Variants in CIAO3 observed in about 807,000 individuals in gnomAD.
The protein encoded by CIAO3 is LET1 like/JFP15.
A neutral mutation model predicts 51.5 loss-of-function variants in CIAO3; 45 were observed. The ratio of observed to expected loss-of-function variants is 0.87; its 90% CI spans 0.69 to 1.12. CIAO3 has a LOEUF of 1.12. Ranked by LOEUF, CIAO3 falls within the 50% of genes most tolerant of loss-of-function variation. The pLI, the probability that CIAO3 is intolerant of heterozygous loss-of-function variation, is 0.00. For synonymous variants in CIAO3, 314 were observed against 269.3 expected, an observed-to-expected ratio of 1.17 and a Z score of -1.63; for missense variants, 668 against 632.5, an observed-to-expected ratio of 1.06 and a Z score of -0.60.
intron 8 of CIAO3, 55 bp downstream of exon 8, chr16:732,246 C>G: frequency 6.5e-7 from 1 of 1,538,978 alleles, no homozygotes; most frequent in Non-Finnish European, 8.8e-7. Flanking sequence ...GGATGCTATC[C>G]TCAGAGGCAG....
At chr16:734,927 C>T in intron 4 of CIAO3, 56 bp from the exon 5 acceptor site, 3 of 1,489,332 alleles carry the variant, frequency 2.0e-6, no homozygotes, top group Non-Finnish European at 2.7e-6. Context: ...CACACGAGCA[C>T]ACGCCGGCGT....
chr16:729,864 A>T lies in CIAO3; in HGVS notation c.*553T>A. On this transcript the variant is annotated 3_prime_UTR_variant, in exon 11 of 11. Transcript: ENST00000251588. ...CAGCCCGCGATGGCTGCTGCTTCGTACTTGGCTTGCCCCGGACCACAGCCT... is the reference window on the plus strand; with the variant it reads ...CAGCCCGCGATGGCTGCTGCTTCGTTCTTGGCTTGCCCCGGACCACAGCCT... 1 of 501,890 alleles carries T rather than the reference A, an allele frequency of 2.0e-6. No homozygotes were observed. The highest frequency in any genetic ancestry group is 3.2e-6 in the Non-Finnish European group (1 of 312,768). The allele number at this position is 501,890 out of a possible 1,614,324, so 31.1% of individuals were successfully genotyped here.
chr16:732,885 C>T (rs1051824167), intron 7 of CIAO3: 4 of 317,364 alleles, frequency 1.3e-5, no homozygotes, highest in African/African-American at 6.5e-5. Context: ...ATCCACCCAC[C>T]TCTGCCTCCC....
At position 730,140 on chromosome 16, in the gene CIAO3, C is replaced by T. The variant is rs1028676550; in HGVS notation, c.*277G>A. The T allele has an allele frequency of 3.7e-6, 2 of 544,382 alleles. No individual in the cohort carries two copies. The highest frequency in any genetic ancestry group is 6.6e-5 in the Admixed American group (2 of 30,360). 33.7% of individuals were successfully genotyped at this position (544,382 alleles called of 1,614,324 possible). ...AGCAGCAAGGGCAGCACCTGTGGGC[C>T]TCGGCCCAGGGCCAACGGAACAGGC... is the stretch of plus-strand genomic sequence containing the variant. On this transcript the variant is annotated 3_prime_UTR_variant, in exon 11 of 11. Coordinates refer to ENST00000251588, the MANE Select transcript of CIAO3 (RefSeq NM_022493.3).
Position 730,889 on chromosome 16 carries a change from T to A in CIAO3, c.1146A>T (p.Arg382=), listed in dbSNP as rs937938920. 5 of 1,612,786 alleles carry A rather than the reference T, an allele frequency of 3.1e-6. No homozygotes were observed. In the African/African-American group the frequency reaches 6.7e-5, roughly 22 times the overall value. The change falls in exon 10 of 11, where the codon CGA becomes CGT. Residue 382 remains arginine (R), a synonymous_variant. Transcript: ENST00000251588. The stretch of plus-strand genomic sequence containing the variant: ...CCACGTAGTGGTAGGGGCAGCGCCC[T>A]CGTTTGAGCCTCTGCACCAGGTTCT... ...NIQNLVQRLK[R]GRCPYHYVEV...
chr16:740,067 G>T, intron 1 of CIAO3: 1 of 1,370,896 alleles, frequency 7.3e-7, no homozygotes, highest in Non-Finnish European at 9.6e-7. Context: ...ACAGAGACCA[G>T]AGTTGCACTG....
At chr16:731,111 C>T in intron 9 of CIAO3, 111 bp from the exon 10 acceptor site, 1 of 1,344,458 alleles carries the variant, frequency 7.4e-7, no homozygotes, top group Non-Finnish European at 1.0e-6. Context: ...TCCCAGGGCT[C>T]TCTCCCTCTC....
Position 739,708 on chromosome 16 carries a change from T to G in CIAO3, c.97A>C (p.Arg33=), listed in dbSNP as rs1353950794. ...ECIKPVKVEK[R]AGSGVAKIRI... ...ATCTTGGCCACGCCACTTCCCGCCC[T>G]TTTTTCCACTTTGACAGGCTTGATG... Residue 33 remains arginine (R), a synonymous_variant, in exon 2 of 11, where the codon AGG becomes CGG. Coordinates refer to ENST00000251588, the MANE Select transcript of CIAO3 (RefSeq NM_022493.3). 1.2e-6 allele frequency: 2 copies of G among 1,613,928 alleles called. No individual in the cohort carries two copies. Among genetic ancestry groups the G allele is most frequent in the Non-Finnish European group, 1.7e-6 (2 of 1,179,940 alleles).
Position 730,548 on chromosome 16 carries a change from C to G in CIAO3, c.1300G>C (p.Asp434His), listed in dbSNP as rs2041263193. Reference protein sequence around the residue: ...YGMVRAEAPEDAPGVQELYTH... With the variant: ...YGMVRAEAPEHAPGVQELYTH... ...TACAGCTCCTGAACCCCAGGCGCGTCCTCGGGCGCCTCAGCCCGGACCATG... is the reference window on the plus strand; with the variant it reads ...TACAGCTCCTGAACCCCAGGCGCGTGCTCGGGCGCCTCAGCCCGGACCATG... Residue 434 changes from aspartate to histidine, a missense_variant, in exon 11 of 11, where the codon GAC becomes CAC. By Grantham distance (81) the Asp-to-His change is moderately conservative. Coordinates refer to ENST00000251588, the MANE Select transcript of CIAO3 (RefSeq NM_022493.3). 3 of 1,610,860 alleles carry G rather than the reference C, an allele frequency of 1.9e-6. No individual in the cohort carries two copies. The highest frequency in any genetic ancestry group is 8.5e-7 in the Non-Finnish European group (1 of 1,179,992).
At chr16:731,333 C>T (rs1016393944) in intron 9 of CIAO3, 3 of 631,382 alleles carry the variant, frequency 4.8e-6, no homozygotes, top group South Asian at 4.7e-5. Flanking sequence ...GCCTCTCGGG[C>T]TCAGGGTCAC....
chr16:733,857 C>A, intron 6 of CIAO3: 1 of 370,650 alleles, frequency 2.7e-6, no homozygotes, highest in Non-Finnish European at 5.1e-6. Flanking sequence ...TCGCCCTCTC[C>A]CGCCCCCTGC....
chr16:738,427 C>G (rs2041360261), intron 2 of CIAO3: 1 of 672,172 alleles, frequency 1.5e-6, no homozygotes. Flanking sequence ...CGGCTCACTG[C>G]AAACTCCGCC....
chr16:739,788 C>T lies in CIAO3; in HGVS notation c.67-50G>A, dbSNP rs201609173. 1.9e-5 allele frequency: 30 copies of T among 1,567,548 alleles called. No homozygotes were observed. In the East Asian group the frequency reaches 6.5e-4, roughly 34 times the overall value. ...CAGCCCCTGTGAGTGGGCGGAGGTT[C>T]CCTGGGAGGCCAGGCCTCAAGGATG... On this transcript the variant is annotated intron_variant, in intron 1 of 10. Coordinates refer to ENST00000251588, the MANE Select transcript of CIAO3 (RefSeq NM_022493.3).
Position 731,575 on chromosome 16 carries a change from T to G in CIAO3, c.1024A>C (p.Lys342Gln). ...GCCCATCCCACTGACCTCAGGGGTT[T>G]GTAGGTAACCTCAGCCACATGGATT... ...FGIHVAEVTY[K>Q]PLRNKDFQEV... is the part of the protein sequence containing the mutation. Residue 342 changes from lysine to glutamine, a missense_variant, in exon 9 of 11, where the codon AAA becomes CAA. Lys to Gln is a moderately conservative substitution (Grantham distance 53). Transcript: ENST00000251588. 8.9e-6 allele frequency: 14 copies of G among 1,566,874 alleles called. No individual in the cohort carries two copies. Among genetic ancestry groups the G allele is most frequent in the Non-Finnish European group, 1.2e-5 (14 of 1,156,394 alleles).
chr16:740,319 C>A (rs915271481), intron 1 of CIAO3: 3 of 353,728 alleles, frequency 8.5e-6, no homozygotes, highest in Non-Finnish European at 1.7e-5. Flanking sequence ...TGCAGCCTCC[C>A]GGGTTCAAGG....
At chr16:738,659 T>C (rs1025944786) in intron 2 of CIAO3, among the ~76,000 whole-genome samples, 27 of 150,834 alleles carry the variant, frequency 1.8e-4, no homozygotes, top group Non-Finnish European at 3.5e-4. Context: ...GCCCAGTTTC[T>C]TTATTTTTTT....
rs1487000350 is a variant in CIAO3, at chr16:730,281, A to C, written c.*136T>G. ...GACGAGGCGGCTGCGGGTCCTGGCTAGTCCTAGCTCCTACTCGGGTCCCAG... is the reference window on the plus strand; with the variant it reads ...GACGAGGCGGCTGCGGGTCCTGGCTCGTCCTAGCTCCTACTCGGGTCCCAG... On this transcript the variant is annotated 3_prime_UTR_variant, in exon 11 of 11. Transcript: ENST00000251588. The C allele has an allele frequency of 1.2e-6, 1 of 858,850 alleles. No individual in the cohort carries two copies. Among genetic ancestry groups the C allele is most frequent in the Non-Finnish European group, 1.8e-6 (1 of 551,762 alleles). 53.2% of individuals were successfully genotyped at this position (858,850 alleles called of 1,614,324 possible).
At chr16:732,543 C>T in intron 7 of CIAO3, 170 bp from the exon 8 acceptor site, 1 of 748,746 alleles carries the variant, frequency 1.3e-6, no homozygotes, top group Non-Finnish European at 2.3e-6. Flanking sequence ...CCTGAAGCCC[C>T]TCTGGAGGCT....
Position 730,072 on chromosome 16 carries a change from G to T in CIAO3, c.*345C>A. The T allele has an allele frequency of 2.3e-6, 1 of 428,602 alleles. No individual in the cohort carries two copies. The highest frequency in any genetic ancestry group is 4.8e-5 in the East Asian group (1 of 20,968). The allele number at this position is 428,602 out of a possible 1,614,324, so 26.5% of individuals were successfully genotyped here. On this transcript the variant is annotated 3_prime_UTR_variant, in exon 11 of 11. Transcript: ENST00000251588. ...GTCTTGCTCTGCCTCAGGCAACCCC[G>T]GGACAGGCTGAAGCCCCTCACGCAC...
Sources: allele counts gnomAD v4.1 joint callset (sites outside exome capture counted in the v4.1 genomes callset), GRCh38; gene constraint gnomAD v4.1.1; transcripts MANE v1.5; gene names NCBI Gene and HGNC (gene_info 2026-07-23, HGNC 2026-07-21).